Variants in CES1 observed in about 807,000 individuals in gnomAD.
CES1 encodes the protein liver carboxylesterase 1.
CES1 carries 50 observed loss-of-function variants against 53.0 expected under a neutral mutation model. That is an observed-to-expected ratio of 0.94 (90% CI 0.75 to 1.19). The LOEUF (loss-of-function observed/expected upper bound fraction) is 1.19. Among genes scored for constraint, CES1 ranks in the 50% most tolerant of loss-of-function variants. CES1 has a pLI of 0.00. For synonymous variants in CES1, 202 were observed against 210.1 expected (o/e 0.96, Z 0.33); for missense variants, 534 against 538.0 (o/e 0.99, Z 0.07).
intron 4 of CES1, 33 bp from the exon 5 acceptor site, chr16:55,821,554 G>A (rs2032199423): frequency 6.2e-7 from 1 of 1,613,774 alleles, no homozygotes. Context: ...AGGGTGGGGA[G>A]CAGAGATGTC....
At chr16:55,808,580 T>C (rs186604895) in intron 11 of CES1, among the ~76,000 whole-genome samples, 59 of 152,290 alleles carry the variant, frequency 3.9e-4, no homozygotes, top group African/African-American at 1.4e-3. Flanking sequence ...TGCCCAAAGT[T>C]CTAAAACATT....
In CES1 at chr16:55,810,411, G is replaced by T. The variant is rs188280866; in HGVS notation, c.1318+106C>A. The T allele has an allele frequency of 4.0e-4, 575 of 1,452,236 alleles. 1 individual carries two copies. The African/African-American group carries it at 5.6e-3, about 14-fold the overall frequency. The allele number at this position is 1,452,236 out of a possible 1,614,324, so 90.0% of individuals were successfully genotyped here. A position where few individuals can be genotyped will look rare whatever the true frequency, so the allele number is the denominator to read the frequency against. Reference sequence around the variant, plus strand: ...ATGCCATATGGAATCAGCCTTTGAGGCCTGACCCTCAGCTGTTTCCATGTC... The same window carrying T: ...ATGCCATATGGAATCAGCCTTTGAGTCCTGACCCTCAGCTGTTTCCATGTC... On this transcript the variant is annotated intron_variant, in intron 11 of 13. Coordinates refer to ENST00000360526, the MANE Select transcript of CES1 (RefSeq NM_001025195.2).
chr16:55,829,508 C>T (rs1453779585), intron 1 of CES1, among the ~76,000 whole-genome samples: 6 of 152,140 alleles, frequency 3.9e-5, no homozygotes, highest in African/African-American at 7.2e-5. Flanking sequence ...CTGGGACTTG[C>T]GGCAGGGGAG....
intron 4 of CES1, among the ~76,000 whole-genome samples, chr16:55,823,177 T>G (rs2032272376): frequency 6.6e-6 from 1 of 151,142 alleles, no homozygotes; most frequent in Non-Finnish European, 1.5e-5. Context: ...AGAAGTCAGA[T>G]GTGTCAACCT....
intron 1 of CES1, among the ~76,000 whole-genome samples, chr16:55,830,799 A>AAGGG (rs1249048584): frequency 3.6e-4 from 53 of 145,990 alleles, no homozygotes; most frequent in African/African-American, 1.4e-3. Flanking sequence ...GGAAGGAAGG[A>AAGGG]AGGAAGGAAG....
chr16:55,829,499 T>C (rs2032556856), intron 1 of CES1, among the ~76,000 whole-genome samples: 1 of 152,164 alleles, frequency 6.6e-6, no homozygotes, highest in African/African-American at 2.4e-5. Context: ...ATGGAGGAGC[T>C]GGGACTTGCG....
In CES1 at chr16:55,827,277, CAATAAT is replaced by C. The variant is rs57486989; in HGVS notation, c.261-988_261-983del. On this transcript the variant is annotated intron_variant, in intron 2 of 13. Transcript: ENST00000360526. Reference sequence around the variant, plus strand: ...AGATCACCAAGTGCAAGAGGAATAACAATAATAATAATAATAATAATAATAATAATA... The same window carrying C: ...AGATCACCAAGTGCAAGAGGAATAACAATAATAATAATAATAATAATAATA... Among the ~76,000 whole-genome samples the C allele has an allele frequency of 2.2e-4, 31 of 143,800 alleles. 1 individual carries two copies. The highest frequency in any genetic ancestry group is 6.6e-4 in the South Asian group (3 of 4,558). 94.3% of individuals were successfully genotyped at this position (143,800 alleles called of 152,430 possible).
At chr16:55,816,098 T>C (rs1160702807) in intron 8 of CES1, among the ~76,000 whole-genome samples, 1 of 152,282 alleles carries the variant, frequency 6.6e-6, no homozygotes, top group Non-Finnish European at 1.5e-5. Context: ...ACCTTCTCAT[T>C]GAACCATTCC....
At chr16:55,808,496 T>A (rs2168610) in intron 11 of CES1, among the ~76,000 whole-genome samples, 8 of 151,534 alleles carry the variant, frequency 5.3e-5, no homozygotes, top group Non-Finnish European at 8.8e-5. Flanking sequence ...TAATTTTTAA[T>A]CTTAGCATCC....
chr16:55,811,012 TAAA>T lies in CES1; in HGVS notation c.1087-5_1087-3del, dbSNP rs370314655. 5.7e-6 allele frequency: 8 copies of T among 1,408,618 alleles called. No individual in the cohort carries two copies. Among genetic ancestry groups the T allele is most frequent in the Non-Finnish European group, 7.7e-6 (8 of 1,036,074 alleles). 87.3% of individuals were successfully genotyped at this position (1,408,618 alleles called of 1,614,324 possible). A position where few individuals can be genotyped will look rare whatever the true frequency, so the allele number is the denominator to read the frequency against. The stretch of plus-strand genomic sequence containing the variant: ...GGAGAGTGGATAGCTCATCAACTGC[TAAA>T]AAAAAAAAAAAGTTCAGCATTTATG... On this transcript the variant is annotated splice_polypyrimidine_tract_variant and splice_region_variant and intron_variant, in intron 9 of 13. Coordinates refer to ENST00000360526, the MANE Select transcript of CES1 (RefSeq NM_001025195.2).
intron 5 of CES1, 143 bp downstream of exon 5, chr16:55,821,225 C>A (rs1417497803): frequency 6.3e-6 from 7 of 1,117,580 alleles, no homozygotes; most frequent in Admixed American, 6.2e-5. Flanking sequence ...CTTTCTACCC[C>A]CTGATGCTGG....
intron 8 of CES1, among the ~76,000 whole-genome samples, chr16:55,816,533 C>T (rs2031953377): frequency 6.6e-6 from 1 of 152,206 alleles, no homozygotes; most frequent in African/African-American, 2.4e-5. Context: ...GACGAGTGTC[C>T]TTGGACTGAG....
chr16:55,812,103 G>A (rs1235791233), intron 9 of CES1, among the ~76,000 whole-genome samples: 2 of 152,220 alleles, frequency 1.3e-5, no homozygotes, highest in Non-Finnish European at 2.9e-5. Flanking sequence ...ACTCCACGCT[G>A]GACTATTTCC....
At chr16:55,818,014 C>G (rs1324472843) in intron 7 of CES1, among the ~76,000 whole-genome samples, 2 of 152,216 alleles carry the variant, frequency 1.3e-5, no homozygotes, top group Non-Finnish European at 1.5e-5. Context: ...ACTTTGGTCA[C>G]TTAGAGCCTG....
In CES1 at chr16:55,826,229, A is replaced by T; in HGVS notation, c.327T>A (p.Ile109=). The T allele has an allele frequency of 1.2e-6, 2 of 1,613,922 alleles. No homozygotes were observed. The change falls in exon 3 of 14, where the codon ATT becomes ATA. Residue 109 remains isoleucine, a synonymous_variant. Transcript: ENST00000360526. ...SELFTNRKEN[I]PLKLSEDCLY... The stretch of plus-strand genomic sequence containing the variant: ...GACAGTCTTCAGAAAGCTTGAGAGG[A>T]ATGTTCTCCTTTCGGTTTGTAAATA...
At chr16:55,820,230 T>G (rs2032115270) in intron 6 of CES1, 142 bp downstream of exon 6, 1 of 634,786 alleles carries the variant, frequency 1.6e-6, no homozygotes, top group Non-Finnish European at 2.8e-6. Context: ...CTCCTCGCCC[T>G]TCCTGCTCAG....
chr16:55,821,254 C>A, intron 5 of CES1, 114 bp downstream of exon 5: 2 of 1,386,954 alleles, frequency 1.4e-6, no homozygotes, highest in Admixed American at 1.8e-5. Context: ...TAGGGCCAGT[C>A]CTGAATTCAG....
chr16:55,811,529 C>T (rs1297303060), intron 9 of CES1, among the ~76,000 whole-genome samples: 1 of 152,190 alleles, frequency 6.6e-6, no homozygotes, highest in Admixed American at 6.5e-5. Context: ...AACAACTCTT[C>T]CCAAACCTCT....
Position 55,826,976 on chromosome 16 carries a change from T to A in CES1, c.261-681A>T, listed in dbSNP as rs183936383. Reference sequence around the variant, plus strand: ...TAGTCCCATTAGGTAGGTTCTATTATCTCCATTTTACAGATGAGAAAACTG... The same window carrying A: ...TAGTCCCATTAGGTAGGTTCTATTAACTCCATTTTACAGATGAGAAAACTG... On this transcript the variant is annotated intron_variant, in intron 2 of 13. Transcript: ENST00000360526. Among the ~76,000 whole-genome samples, 300 of 152,286 alleles carry A rather than the reference T, an allele frequency of 2.0e-3. 3 individuals carry two copies. The highest frequency in any genetic ancestry group is 6.9e-3 in the African/African-American group (287 of 41,546).
Sources: allele counts gnomAD v4.1 joint callset (sites outside exome capture counted in the v4.1 genomes callset), GRCh38; gene constraint gnomAD v4.1.1; transcripts MANE v1.5; gene names NCBI Gene and HGNC (gene_info 2026-07-23, HGNC 2026-07-21).